CERS6: variants seen among roughly 807,000 people sequenced by gnomAD.
CERS6 encodes LAG1 homolog, ceramide synthase 6.
In CERS6, 26 loss-of-function variants were observed where a neutral mutation model predicts 56.8. The observed-to-expected ratio is 0.46, with a 90% CI of 0.34 to 0.63. The LOEUF (loss-of-function observed/expected upper bound fraction) is 0.63, where lower values mean the gene tolerates loss of function less well. Among genes scored for constraint, CERS6 ranks in the 30% least tolerant of loss-of-function variants. The pLI, the probability that CERS6 is intolerant of heterozygous loss-of-function variation, is 0.01. For synonymous variants in CERS6, 164 were observed against 173.3 expected (o/e 0.95, Z 0.42); for missense variants, 415 against 467.5 (o/e 0.89, Z 1.04).
intron 1 of CERS6, among the ~76,000 whole-genome samples, chr2:168,475,139 G>T (rs1170687139): frequency 1.3e-5 from 2 of 151,936 alleles, no homozygotes; most frequent in Non-Finnish European, 2.9e-5. Flanking sequence ...GTCTACTTGG[G>T]AAAAGTTATT....
intron 6 of CERS6, among the ~76,000 whole-genome samples, chr2:168,707,687 A>G (rs1028386719): frequency 6.6e-6 from 1 of 152,226 alleles, no homozygotes; most frequent in Non-Finnish European, 1.5e-5. Flanking sequence ...TCTTCACATC[A>G]TAAGTTGGTA....
chr2:168,642,043 CT>C (rs982511667), intron 4 of CERS6, among the ~76,000 whole-genome samples: 2 of 152,022 alleles, frequency 1.3e-5, no homozygotes, highest in African/African-American at 2.4e-5. Flanking sequence ...ATTACTTTGC[CT>C]TTTTAAAAAA....
intron 3 of CERS6, among the ~76,000 whole-genome samples, chr2:168,610,952 C>T (rs1439782258): frequency 3.3e-5 from 5 of 152,108 alleles, no homozygotes; most frequent in Admixed American, 6.5e-5. Flanking sequence ...GAACTACAGG[C>T]ACACACCACC....
chr2:168,596,576 CTGAG>C (rs1347298057), intron 3 of CERS6, among the ~76,000 whole-genome samples: 12 of 99,934 alleles, frequency 1.2e-4, no homozygotes, highest in Admixed American at 4.2e-4. Context: ...TTTTTTGAGA[CTGAG>C]TCTCACTCTA....
chr2:168,652,698 A>G (rs1300334726), intron 4 of CERS6, among the ~76,000 whole-genome samples: 2 of 152,170 alleles, frequency 1.3e-5, no homozygotes, highest in African/African-American at 4.8e-5. Flanking sequence ...AGAGACAAGA[A>G]TAAACCAATT....
intron 1 of CERS6, among the ~76,000 whole-genome samples, chr2:168,535,508 G>T (rs2105365107): frequency 6.6e-6 from 1 of 152,136 alleles, no homozygotes; most frequent in South Asian, 2.1e-4. Flanking sequence ...CCTCTCCGTG[G>T]ATCATGCCAG....
intron 5 of CERS6, among the ~76,000 whole-genome samples, chr2:168,692,306 G>A (rs1019938654): frequency 6.6e-6 from 1 of 152,144 alleles, no homozygotes; most frequent in Non-Finnish European, 1.5e-5. Flanking sequence ...TCCTGTAATG[G>A]TATAGTGAGT....
chr2:168,573,360 A>G (rs79303660), intron 3 of CERS6, among the ~76,000 whole-genome samples: 3,675 of 152,318 alleles, frequency 0.024, 146 homozygotes, highest in East Asian at 0.18. Context: ...ACCAGATTTG[A>G]AATCAACAAA....
intron 4 of CERS6, among the ~76,000 whole-genome samples, chr2:168,635,403 CAG>C (rs1684840296): frequency 6.6e-6 from 1 of 152,090 alleles, no homozygotes; most frequent in South Asian, 2.1e-4. Context: ...GGTGTGGAGG[CAG>C]GGGATGAACG....
At chr2:168,513,537 A>C (rs556790859) in intron 1 of CERS6, among the ~76,000 whole-genome samples, 5 of 152,028 alleles carry the variant, frequency 3.3e-5, no homozygotes, top group Non-Finnish European at 7.4e-5. Context: ...ATGTTTTCGA[A>C]CCATGACTGG....
intron 2 of CERS6, among the ~76,000 whole-genome samples, chr2:168,555,720 C>CTGTGTGTG (rs1390257061): frequency 1.3e-4 from 10 of 76,868 alleles, no homozygotes; most frequent in African/African-American, 7.3e-4. Flanking sequence ...GTATAATTGA[C>CTGTGTGTG]TCTGTGTGTG....
intron 4 of CERS6, among the ~76,000 whole-genome samples, chr2:168,639,773 G>A (rs1389776033): frequency 6.6e-6 from 1 of 152,112 alleles, no homozygotes; most frequent in African/African-American, 2.4e-5. Flanking sequence ...CTCTGTGTGT[G>A]GTTCCAGGGG....
intron 8 of CERS6, among the ~76,000 whole-genome samples, chr2:168,751,673 C>A (rs772412258): frequency 1.3e-5 from 2 of 152,184 alleles, no homozygotes; most frequent in Non-Finnish European, 2.9e-5. Flanking sequence ...CCATAACATT[C>A]TTCCTAAATC....
At chr2:168,554,349 G>T (rs575352317) in intron 2 of CERS6, among the ~76,000 whole-genome samples, 1 of 152,168 alleles carries the variant, frequency 6.6e-6, no homozygotes, top group Non-Finnish European at 1.5e-5. Context: ...ATACATTGAA[G>T]TCTTGATCCC....
chr2:168,522,562 T>A lies in CERS6; in HGVS notation c.171-25034T>A, dbSNP rs536180642. Among the ~76,000 whole-genome samples the A allele has an allele frequency of 1.1e-4, 16 of 152,230 alleles. No homozygotes were observed. In the South Asian group the frequency reaches 2.7e-3, roughly 26 times the overall value. On this transcript the variant is annotated intron_variant, in intron 1 of 9. Transcript: ENST00000305747. ...GAATTTTTTTTTTTTAGACAGGGTC[T>A]CGCTCTGTTGCTCAGGCTAGAGTGC...
intron 3 of CERS6, among the ~76,000 whole-genome samples, chr2:168,596,883 G>A (rs138370018): frequency 6.8e-4 from 104 of 152,290 alleles, no homozygotes; most frequent in Non-Finnish European, 1.2e-3. Flanking sequence ...AATGCTCTTA[G>A]AGTTCATGAA....
intron 3 of CERS6, among the ~76,000 whole-genome samples, chr2:168,597,237 C>G (rs146631576): frequency 6.6e-6 from 1 of 152,160 alleles, no homozygotes; most frequent in Non-Finnish European, 1.5e-5. Context: ...GCAGGCTTGA[C>G]AGTAGAGCAT....
At chr2:168,496,205 G>A (rs1694465015) in intron 1 of CERS6, among the ~76,000 whole-genome samples, 1 of 152,118 alleles carries the variant, frequency 6.6e-6, no homozygotes, top group Non-Finnish European at 1.5e-5. Flanking sequence ...TACTTAGGTT[G>A]TTTCTAGTAT....
At chr2:168,530,293 T>C (rs925687851) in intron 1 of CERS6, among the ~76,000 whole-genome samples, 1 of 152,198 alleles carries the variant, frequency 6.6e-6, no homozygotes, top group African/African-American at 2.4e-5. Flanking sequence ...TATCCTTCCA[T>C]GAGAGGGGCA....
Sources: allele counts gnomAD v4.1 joint callset (sites outside exome capture counted in the v4.1 genomes callset), GRCh38; gene constraint gnomAD v4.1.1; transcripts MANE v1.5; gene names NCBI Gene and HGNC (gene_info 2026-07-23, HGNC 2026-07-21).